The following SRSF11 variants were observed in gnomAD, a reference collection of about 807,000 sequenced individuals.
SRSF11 encodes the protein serine/arginine-rich splicing factor 11.
In SRSF11, 9 loss-of-function variants were observed where a neutral mutation model predicts 56.0. The ratio of observed to expected loss-of-function variants is 0.16; its 90% CI spans 0.10 to 0.28. The LOEUF is 0.28. Ranked by LOEUF, SRSF11 falls within the 10% of genes least tolerant of loss-of-function variation. The pLI, the probability that SRSF11 is intolerant of heterozygous loss-of-function variation, is 1.00. For synonymous variants in SRSF11, 222 were observed against 215.3 expected (o/e 1.03, Z -0.27); for missense variants, 421 against 600.7 (o/e 0.70, Z 3.13).
intron 5 of SRSF11, among the ~76,000 whole-genome samples, chr1:70,236,431 A>G (rs1213574705): frequency 6.6e-6 from 1 of 150,906 alleles, no homozygotes; most frequent in African/African-American, 2.4e-5. Flanking sequence ...CCCAGATTCA[A>G]GCAATTCTTT....
At chr1:70,210,373 T>C (rs1426487591) in intron 1 of SRSF11, among the ~76,000 whole-genome samples, 3 of 152,118 alleles carry the variant, frequency 2.0e-5, no homozygotes, top group Middle Eastern at 3.4e-3. Context: ...CCCAGACTGG[T>C]CTCAAACTCC....
At chr1:70,223,756 A>AT (rs1671148799) in intron 1 of SRSF11, among the ~76,000 whole-genome samples, 2 of 152,230 alleles carry the variant, frequency 1.3e-5, no homozygotes, top group South Asian at 4.1e-4. Context: ...TTTTTTAACT[A>AT]TAAGTTTCAA....
At chr1:70,219,090 A>T (rs1264772058), upstream of SRSF11, among the ~76,000 whole-genome samples, 1 of 152,248 alleles carries the variant, frequency 6.6e-6, no homozygotes, top group African/African-American at 2.4e-5. Context: ...TCATTGGAGC[A>T]TTTCAGATTT....
intron 1 of SRSF11, among the ~76,000 whole-genome samples, chr1:70,212,212 G>C (rs892789483): frequency 6.6e-6 from 1 of 151,896 alleles, no homozygotes; most frequent in Non-Finnish European, 1.5e-5. Context: ...TAGTTTTTTT[G>C]TTCTGACCCA....
rs1329904704 is a variant in SRSF11 at position 70,251,086 on chromosome 1, C to T, written c.*281C>T. 3 of 346,044 alleles carry T rather than the reference C, an allele frequency of 8.7e-6. No individual in the cohort carries two copies. The highest frequency in any genetic ancestry group is 4.1e-5 in the African/African-American group (2 of 48,598). 21.4% of individuals were successfully genotyped at this position (346,044 alleles called of 1,614,324 possible). A position where few individuals can be genotyped will look rare whatever the true frequency, so the allele number is the denominator to read the frequency against. On this transcript the variant is annotated 3_prime_UTR_variant, in exon 12 of 12. Coordinates refer to ENST00000370949, the MANE Select transcript of SRSF11 (RefSeq NM_001350605.2). ...AACAAAAATGAAAAGCTGCATGCAT[C>T]TACAGCAGGCATGGATTGTTTATGT...
intron 1 of SRSF11, chr1:70,205,822 T>C: frequency 3.0e-6 from 1 of 328,888 alleles, no homozygotes; most frequent in Non-Finnish European, 5.6e-6. Context: ...TTCGGGTTTA[T>C]TGTTTGCACT....
chr1:70,222,694 G>A (rs1558158111), intron 1 of SRSF11: 2 of 152,112 alleles, frequency 1.3e-5, no homozygotes, highest in Non-Finnish European at 2.9e-5. Context: ...GTGGAGAAGT[G>A]ACAATTCAAA....
chr1:70,235,418 C>T, intron 4 of SRSF11, 83 bp from the exon 5 acceptor site: 1 of 1,157,540 alleles, frequency 8.6e-7, no homozygotes, highest in Admixed American at 2.2e-5. Flanking sequence ...GCATGGATTT[C>T]TGTTGTTCAG....
intron 2 of SRSF11, chr1:70,231,121 A>G: frequency 3.1e-6 from 4 of 1,289,712 alleles, no homozygotes; most frequent in Non-Finnish European, 4.0e-6. Context: ...AGCCTGAACT[A>G]TATACCAGGC....
chr1:70,226,373 G>C (rs1558167126), intron 1 of SRSF11, among the ~76,000 whole-genome samples: 3 of 152,036 alleles, frequency 2.0e-5, no homozygotes, highest in Non-Finnish European at 4.4e-5. Flanking sequence ...CACTTAACAG[G>C]TTTTGATATA....
At chr1:70,245,066 A>G (rs977914821) in intron 8 of SRSF11, among the ~76,000 whole-genome samples, 43 of 152,328 alleles carry the variant, frequency 2.8e-4, no homozygotes, top group Middle Eastern at 3.4e-3. Context: ...CTGTCCTGCT[A>G]CCTTCTTTCA....
intron 4 of SRSF11, among the ~76,000 whole-genome samples, chr1:70,234,990 T>C (rs969697702): frequency 6.6e-6 from 1 of 152,174 alleles, no homozygotes. Context: ...TAGTTCAAAA[T>C]AGAAAATAGA....
rs775219295 is a variant in SRSF11 at position 70,250,054 on chromosome 1, A to C, written c.1118+7A>C. ...GCTCACCATCCCCTAGGAGGTAAGA[A>C]TGTTAATCATTTAAATGTATTTTTT... On this transcript the variant is annotated splice_region_variant and intron_variant, in intron 10 of 11. Coordinates refer to ENST00000370949, the MANE Select transcript of SRSF11 (RefSeq NM_001350605.2). 5 of 1,595,140 alleles carry C rather than the reference A, an allele frequency of 3.1e-6. No homozygotes were observed. Among genetic ancestry groups the C allele is most frequent in the East Asian group, 2.2e-5 (1 of 44,790 alleles).
upstream of SRSF11, among the ~76,000 whole-genome samples, chr1:70,218,324 G>A (rs1325268497): frequency 6.6e-6 from 1 of 152,150 alleles, no homozygotes; most frequent in Non-Finnish European, 1.5e-5. Context: ...ATTTTTTGTT[G>A]TTGTTGTTAG....
chr1:70,227,997 CATG>C (rs1672181816), intron 1 of SRSF11, among the ~76,000 whole-genome samples: 1 of 152,190 alleles, frequency 6.6e-6, no homozygotes, highest in African/African-American at 2.4e-5. Context: ...TGTTCGTTCT[CATG>C]ATATTCATTT....
In SRSF11 at chr1:70,249,697, A is replaced by G. The variant is rs1010714915; in HGVS notation, c.1023-255A>G. ...CTCTGCCTCCTGAGTAGCTGGGACT[A>G]CAGGCATGCACCACCACACCTGGCT... On this transcript the variant is annotated intron_variant, in intron 9 of 11. Transcript: ENST00000370949. The G allele has an allele frequency of 1.1e-4, 37 of 341,390 alleles. 1 individual carries two copies. Among genetic ancestry groups the G allele is most frequent in the Non-Finnish European group, 1.1e-5 (2 of 182,828 alleles). The allele number at this position is 341,390 out of a possible 1,614,324, so 21.1% of individuals were successfully genotyped here.
At chr1:70,240,746 T>C (rs1357788869) in intron 7 of SRSF11, among the ~76,000 whole-genome samples, 1 of 151,870 alleles carries the variant, frequency 6.6e-6, no homozygotes, top group African/African-American at 2.4e-5. Context: ...TCAGCTTCAC[T>C]TTACATACCC....
At chr1:70,246,761 A>G (rs1462440672) in intron 8 of SRSF11, 57 bp from the exon 9 acceptor site, 4 of 1,119,262 alleles carry the variant, frequency 3.6e-6, no homozygotes, top group Admixed American at 4.0e-5. Context: ...GTAGTGCTAT[A>G]TAAATTGGCA....
In SRSF11 at chr1:70,246,821, CAAAA is replaced by C; in HGVS notation, c.938_941del (p.Lys313ArgfsTer105). On this transcript the variant is annotated frameshift_variant, in exon 9 of 12. Transcript: ENST00000370949. LOFTEE classifies it high-confidence loss of function. ...ATAAATTGTGTTCATTTGTTAGAGA[CAAAA>C]AGAAAGAAGACAAAGAAAAGAAACG... The C allele has an allele frequency of 6.3e-7, 1 of 1,598,718 alleles. No homozygotes were observed. Among genetic ancestry groups the C allele is most frequent in the Non-Finnish European group, 8.5e-7 (1 of 1,172,820 alleles).
Sources: allele counts gnomAD v4.1 joint callset (sites outside exome capture counted in the v4.1 genomes callset), GRCh38; gene constraint gnomAD v4.1.1; transcripts MANE v1.5; gene names NCBI Gene and HGNC (gene_info 2026-07-23, HGNC 2026-07-21).